The following CADM2 variants were observed in gnomAD, a reference collection of about 807,000 sequenced individuals.
The protein encoded by CADM2 is immunoglobulin superfamily member 4D.
A neutral mutation model predicts 49.8 loss-of-function variants in CADM2; 12 were observed. The ratio of observed to expected loss-of-function variants is 0.24; its 90% confidence interval spans 0.15 to 0.39. CADM2 has a LOEUF of 0.39. Ranked by LOEUF, CADM2 falls within the 10% of genes least tolerant of loss-of-function variation. The pLI, the probability that CADM2 is intolerant of heterozygous loss-of-function variation, is 1.00. For missense variants in CADM2, 378 were observed against 492.3 expected (o/e 0.77, Z 2.20); for synonymous variants, 214 against 175.4 (o/e 1.22, Z -1.74).
chr3:85,918,579 C>A (rs946981056), intron 6 of CADM2, among the ~76,000 whole-genome samples: 1 of 152,106 alleles, frequency 6.6e-6, no homozygotes, highest in Non-Finnish European at 1.5e-5. Flanking sequence ...AGGATTTTTG[C>A]ATCAGTGTTC....
At chr3:85,005,738 C>G (rs1418487298) in intron 1 of CADM2, among the ~76,000 whole-genome samples, 1 of 151,338 alleles carries the variant, frequency 6.6e-6, no homozygotes, top group East Asian at 1.9e-4. Context: ...CTGATTTTCA[C>G]TGACCTGATT....
intron 5 of CADM2, among the ~76,000 whole-genome samples, chr3:85,890,052 G>A (rs1303076488): frequency 1.3e-5 from 2 of 152,106 alleles, no homozygotes; most frequent in Non-Finnish European, 2.9e-5. Context: ...TCGATCTAGA[G>A]GTTTATTTTG....
At chr3:85,304,560 C>G (rs935137956) in intron 1 of CADM2, among the ~76,000 whole-genome samples, 1 of 151,728 alleles carries the variant, frequency 6.6e-6, no homozygotes, top group Non-Finnish European at 1.5e-5. Context: ...TCCTGTCCAC[C>G]AGAGGGCATA....
At chr3:85,062,219 A>C (rs2036356695) in intron 1 of CADM2, among the ~76,000 whole-genome samples, 1 of 152,126 alleles carries the variant, frequency 6.6e-6, no homozygotes, top group Non-Finnish European at 1.5e-5. Context: ...AGTAAAATAA[A>C]TCTTGGGCAA....
chr3:85,415,479 G>A (rs1416078441), intron 1 of CADM2, among the ~76,000 whole-genome samples: 5 of 149,194 alleles, frequency 3.4e-5, no homozygotes, highest in Admixed American at 6.7e-5. Context: ...TAAGTAAACC[G>A]TTGCCCTAAT....
intron 1 of CADM2, among the ~76,000 whole-genome samples, chr3:85,014,258 C>T (rs115790081): frequency 0.057 from 8,532 of 149,738 alleles, 820 homozygotes; most frequent in African/African-American, 0.19. Context: ...ATTATATATA[C>T]GCAGTGTAAT....
intron 3 of CADM2, among the ~76,000 whole-genome samples, chr3:85,833,430 G>A (rs1198967406): frequency 6.6e-6 from 1 of 151,660 alleles, no homozygotes; most frequent in Non-Finnish European, 1.5e-5. Context: ...CATACATCTG[G>A]TAGAATTTAG....
chr3:85,079,174 A>C (rs1434195491), intron 1 of CADM2, among the ~76,000 whole-genome samples: 1 of 151,878 alleles, frequency 6.6e-6, no homozygotes, highest in Non-Finnish European at 1.5e-5. Context: ...TTTCCATGAA[A>C]TAGCAGAAAT....
chr3:86,049,765 C>T (rs1737129340), intron 8 of CADM2, among the ~76,000 whole-genome samples: 1 of 152,138 alleles, frequency 6.6e-6, no homozygotes, highest in Non-Finnish European at 1.5e-5. Flanking sequence ...CTCATGAGAA[C>T]TCACTCACTA....
chr3:85,333,507 C>T (rs2044993726), intron 1 of CADM2, among the ~76,000 whole-genome samples: 1 of 151,712 alleles, frequency 6.6e-6, no homozygotes, highest in Non-Finnish European at 1.5e-5. Context: ...TAACTGACCA[C>T]TTAGTTTGTG....
chr3:84,997,682 A>G (rs2033249848), intron 1 of CADM2, among the ~76,000 whole-genome samples: 1 of 151,996 alleles, frequency 6.6e-6, no homozygotes, highest in South Asian at 2.1e-4. Flanking sequence ...TTTAAATACT[A>G]CCATGTTTGT....
At chr3:85,997,113 T>A (rs1729526860) in intron 8 of CADM2, among the ~76,000 whole-genome samples, 1 of 152,208 alleles carries the variant, frequency 6.6e-6, no homozygotes, top group Non-Finnish European at 1.5e-5. Context: ...GCAGTTTGGC[T>A]CTAAAATGAA....
intron 1 of CADM2, among the ~76,000 whole-genome samples, chr3:85,238,590 C>G (rs1354487621): frequency 1.3e-5 from 2 of 151,686 alleles, no homozygotes; most frequent in Non-Finnish European, 2.9e-5. Context: ...AGATCAACAG[C>G]TTAGATGACA....
chr3:85,666,050 A>G (rs2065555861), intron 1 of CADM2, among the ~76,000 whole-genome samples: 1 of 152,096 alleles, frequency 6.6e-6, no homozygotes, highest in South Asian at 2.1e-4. Flanking sequence ...AAGTCTCAGA[A>G]TGCAAAATCA....
chr3:86,056,197 G>A (rs1737970682), intron 8 of CADM2, among the ~76,000 whole-genome samples: 1 of 152,196 alleles, frequency 6.6e-6, no homozygotes, highest in Admixed American at 6.5e-5. Context: ...AGCGTTTTGT[G>A]AAGGACCCTT....
intron 6 of CADM2, among the ~76,000 whole-genome samples, chr3:85,917,642 G>A (rs1280916181): frequency 6.6e-6 from 1 of 152,146 alleles, no homozygotes; most frequent in Non-Finnish European, 1.5e-5. Context: ...GATTGATTTG[G>A]CAATGCAGGT....
chr3:85,329,040 G>T (rs1160307990), intron 1 of CADM2, among the ~76,000 whole-genome samples: 1 of 152,098 alleles, frequency 6.6e-6, no homozygotes, highest in African/African-American at 2.4e-5. Flanking sequence ...AGTATGACTG[G>T]TGTCATTATA....
At chr3:85,403,764 G>T (rs2035236263) in intron 1 of CADM2, among the ~76,000 whole-genome samples, 1 of 152,218 alleles carries the variant, frequency 6.6e-6, no homozygotes, top group African/African-American at 2.4e-5. Context: ...AGTAAGCAAA[G>T]TATTTCTCTC....
intron 1 of CADM2, among the ~76,000 whole-genome samples, chr3:84,982,862 C>T (rs2032293980): frequency 6.6e-6 from 1 of 151,194 alleles, no homozygotes. Flanking sequence ...TCTCCTGCAC[C>T]AGCCTCCCAT....
Sources: allele counts gnomAD v4.1 joint callset (sites outside exome capture counted in the v4.1 genomes callset), GRCh38; gene constraint gnomAD v4.1.1; transcripts MANE v1.5; gene names NCBI Gene and HGNC (gene_info 2026-07-23, HGNC 2026-07-21).